The following RBFOX1 variants were observed in gnomAD, a reference collection of about 807,000 sequenced individuals.
The protein encoded by RBFOX1 is RNA binding protein fox-1 homolog 1.
Under a neutral mutation model 57.7 loss-of-function variants are expected in RBFOX1, and 8 were observed. That is an observed-to-expected ratio of 0.14 (90% CI 0.08 to 0.25). The LOEUF is 0.25. Ranked by LOEUF, RBFOX1 falls within the 10% of genes least tolerant of loss-of-function variation. RBFOX1 has a pLI of 1.00. For missense variants in RBFOX1, 611 were observed against 548.5 expected (o/e 1.11, Z -1.14); for synonymous variants, 326 against 222.4 (o/e 1.47, Z -4.15).
At chr16:6,003,667 G>C (rs952083649) in intron 4 of RBFOX1, among the ~76,000 whole-genome samples, 3 of 152,246 alleles carry the variant, frequency 2.0e-5, no homozygotes, top group African/African-American at 7.2e-5. Flanking sequence ...CAACTGCAAA[G>C]CTAGCCTCTG....
chr16:5,346,868 G>C, intron 1 of RBFOX1, among the ~76,000 whole-genome samples: 1 of 152,204 alleles, frequency 6.6e-6, no homozygotes, highest in Admixed American at 6.5e-5. Flanking sequence ...CCTCCCTCAA[G>C]AGCTGGTGTG....
At chr16:7,179,123 G>C (rs538925829) in intron 4 of RBFOX1, among the ~76,000 whole-genome samples, 1 of 152,026 alleles carries the variant, frequency 6.6e-6, no homozygotes, top group Admixed American at 6.6e-5. Flanking sequence ...CAGATTACTC[G>C]AGGCATCCGG....
chr16:5,635,315 G>C (rs1167011747), intron 3 of RBFOX1, among the ~76,000 whole-genome samples: 5 of 152,132 alleles, frequency 3.3e-5, no homozygotes, highest in African/African-American at 1.2e-4. Context: ...AACAGTTTTG[G>C]CATGGAGGGA....
intron 2 of RBFOX1, among the ~76,000 whole-genome samples, chr16:6,544,535 T>C (rs2096868665): frequency 2.0e-5 from 3 of 152,210 alleles, no homozygotes; most frequent in African/African-American, 7.2e-5. Flanking sequence ...TCATTATTGA[T>C]TATATGCAAC....
chr16:5,804,503 T>G (rs899007903), intron 3 of RBFOX1, among the ~76,000 whole-genome samples: 4 of 152,204 alleles, frequency 2.6e-5, no homozygotes, highest in African/African-American at 9.6e-5. Context: ...GGGTATTTCC[T>G]AAACTGATAA....
chr16:6,675,815 C>A (rs1019288166), intron 3 of RBFOX1, among the ~76,000 whole-genome samples: 1 of 152,118 alleles, frequency 6.6e-6, no homozygotes, highest in Non-Finnish European at 1.5e-5. Flanking sequence ...AATCAATTAT[C>A]TCCCACCAGG....
intron 3 of RBFOX1, among the ~76,000 whole-genome samples, chr16:5,728,898 T>G (rs2052254323): frequency 6.6e-6 from 1 of 152,176 alleles, no homozygotes; most frequent in Non-Finnish European, 1.5e-5. Context: ...TCTCTTCTTG[T>G]GGGTTCCCAG....
intron 2 of RBFOX1, among the ~76,000 whole-genome samples, chr16:6,556,234 A>G (rs2097096306): frequency 6.6e-6 from 1 of 152,182 alleles, no homozygotes; most frequent in African/African-American, 2.4e-5. Flanking sequence ...CTCTCTATCT[A>G]CTTATCACGG....
chr16:6,728,354 A>G (rs963657967), intron 3 of RBFOX1, among the ~76,000 whole-genome samples: 1 of 101,032 alleles, frequency 9.9e-6, no homozygotes, highest in Non-Finnish European at 2.1e-5. Flanking sequence ...CTGTATAAAC[A>G]GTTAAATCCC....
At chr16:6,113,389 T>A (rs905299085) in intron 1 of RBFOX1, among the ~76,000 whole-genome samples, 9 of 152,188 alleles carry the variant, frequency 5.9e-5, no homozygotes, top group Non-Finnish European at 1.2e-4. Flanking sequence ...ATGTGTTTTT[T>A]AATACTACTT....
intron 3 of RBFOX1, among the ~76,000 whole-genome samples, chr16:5,642,060 G>A (rs2048895583): frequency 6.6e-6 from 1 of 152,186 alleles, no homozygotes; most frequent in Non-Finnish European, 1.5e-5. Context: ...AGACTGGGAG[G>A]AGGCCATGGT....
intron 3 of RBFOX1, among the ~76,000 whole-genome samples, chr16:6,970,564 G>T (rs937316994): frequency 6.6e-5 from 10 of 152,102 alleles, no homozygotes; most frequent in Non-Finnish European, 1.3e-4. Flanking sequence ...CTTATAACTG[G>T]TGCCCTGGCG....
intron 3 of RBFOX1, among the ~76,000 whole-genome samples, chr16:6,734,994 G>A (rs892006285): frequency 2.0e-5 from 3 of 151,982 alleles, no homozygotes; most frequent in Admixed American, 6.6e-5. Flanking sequence ...TTTTAAAGTA[G>A]CCTGTTGTGG....
intron 2 of RBFOX1, among the ~76,000 whole-genome samples, chr16:6,468,049 G>A (rs1216171417): frequency 2.0e-5 from 3 of 152,128 alleles, no homozygotes; most frequent in South Asian, 2.1e-4. Context: ...TGTGTCTCCT[G>A]GGAGATGGAT....
intron 1 of RBFOX1, among the ~76,000 whole-genome samples, chr16:6,193,151 T>A (rs2097152537): frequency 6.6e-6 from 1 of 151,742 alleles, no homozygotes; most frequent in Admixed American, 6.6e-5. Context: ...TGAGGCAATG[T>A]GTTCATCCTA....
intron 2 of RBFOX1, among the ~76,000 whole-genome samples, chr16:6,326,178 G>A (rs961936201): frequency 6.6e-6 from 1 of 152,166 alleles, no homozygotes; most frequent in African/African-American, 2.4e-5. Flanking sequence ...AAGTCAACAT[G>A]CTTATCTTGG....
chr16:6,254,644 C>G (rs183497740), intron 1 of RBFOX1, among the ~76,000 whole-genome samples: 3 of 152,216 alleles, frequency 2.0e-5, no homozygotes, highest in African/African-American at 7.2e-5. Flanking sequence ...AATCTAGTCT[C>G]TGCGTGAAAT....
At chr16:7,651,499 C>G (rs913186469) in intron 11 of RBFOX1, among the ~76,000 whole-genome samples, 3 of 152,296 alleles carry the variant, frequency 2.0e-5, no homozygotes, top group Non-Finnish European at 2.9e-5. Flanking sequence ...CCTTCCAATT[C>G]TTTTGCCTTT....
At chr16:6,317,355 T>C (rs1016085980) in intron 2 of RBFOX1, among the ~76,000 whole-genome samples, 9 of 151,964 alleles carry the variant, frequency 5.9e-5, no homozygotes, top group South Asian at 2.1e-4. Context: ...TTTCTTTTTT[T>C]CTCCCCCTAA....
Sources: allele counts gnomAD v4.1 joint callset (sites outside exome capture counted in the v4.1 genomes callset), GRCh38; gene constraint gnomAD v4.1.1; transcripts MANE v1.5; gene names NCBI Gene and HGNC (gene_info 2026-07-23, HGNC 2026-07-21).